SLC36A4: variants seen among roughly 807,000 people sequenced by gnomAD.
SLC36A4 encodes the protein solute carrier family 36 member 4.
Under a neutral mutation model 50.5 loss-of-function variants are expected in SLC36A4, and 49 were observed. The ratio of observed to expected loss-of-function variants is 0.97; its 90% confidence interval spans 0.77 to 1.23. The LOEUF (loss-of-function observed/expected upper bound fraction) is 1.23. SLC36A4 is among the 50% of genes most tolerant of loss of function. SLC36A4 has a pLI of 0.00. For missense variants in SLC36A4, 611 were observed against 608.4 expected (o/e 1.00, Z -0.05); for synonymous variants, 207 against 206.5 (o/e 1.00, Z -0.02).
At chr11:93,175,340 TTTTC>T (rs879849143) in intron 6 of SLC36A4, among the ~76,000 whole-genome samples, 4,189 of 151,264 alleles carry the variant, frequency 0.028, 220 homozygotes, top group Admixed American at 0.17. Flanking sequence ...TTCTCTCTTT[TTTTC>T]TTTATTAGTC....
intron 3 of SLC36A4, among the ~76,000 whole-genome samples, chr11:93,183,248 C>T (rs945839265): frequency 6.6e-6 from 1 of 152,166 alleles, no homozygotes; most frequent in African/African-American, 2.4e-5. Flanking sequence ...TTATCTAAAT[C>T]CCGAAAACGC....
Position 93,162,783 on chromosome 11 carries a change from T to C in SLC36A4, c.960A>G (p.Thr320=). ...AACACATATATCCTAAAGTAGCTAA[T>C]GTTACATACAAAGTTGTAACAATCC... ...GMGIVTTLYV[T]LATLGYMCFH... is the part of the protein sequence containing the mutation. The change falls in exon 9 of 11, where the codon ACA becomes ACG. Residue 320 remains threonine, a synonymous_variant. Coordinates refer to ENST00000326402, the MANE Select transcript of SLC36A4 (RefSeq NM_152313.4). 6.2e-7 allele frequency: 1 copy of C among 1,613,662 alleles called. No homozygotes were observed. Among genetic ancestry groups the C allele is most frequent in the Non-Finnish European group, 8.5e-7 (1 of 1,179,730 alleles).
chr11:93,194,286 A>T (rs1001901869), intron 1 of SLC36A4, among the ~76,000 whole-genome samples: 6 of 152,146 alleles, frequency 3.9e-5, no homozygotes, highest in African/African-American at 1.4e-4. Context: ...AATAAAATTT[A>T]AAAATCACTT....
intron 6 of SLC36A4, among the ~76,000 whole-genome samples, chr11:93,176,856 G>C (rs1472959182): frequency 1.3e-5 from 2 of 152,188 alleles, no homozygotes; most frequent in Non-Finnish European, 2.9e-5. Context: ...CAGGTAACCT[G>C]ACCTTTCTCT....
At chr11:93,168,539 C>A (rs1860988771) in intron 6 of SLC36A4, among the ~76,000 whole-genome samples, 1 of 151,970 alleles carries the variant, frequency 6.6e-6, no homozygotes, top group Non-Finnish European at 1.5e-5. Flanking sequence ...AAATTTGGAA[C>A]CATGCTTGTA....
intron 10 of SLC36A4, among the ~76,000 whole-genome samples, chr11:93,151,071 T>A (rs750487139): frequency 2.6e-5 from 4 of 151,966 alleles, no homozygotes; most frequent in Non-Finnish European, 5.9e-5. Context: ...CTGTTTAAAG[T>A]CAGATTTTAA....
chr11:93,156,796 G>A (rs1029961317), intron 9 of SLC36A4, among the ~76,000 whole-genome samples: 5 of 152,248 alleles, frequency 3.3e-5, no homozygotes, highest in Admixed American at 3.3e-4. Context: ...CTTCCATTCT[G>A]TAGGTTGCCT....
intron 6 of SLC36A4, among the ~76,000 whole-genome samples, chr11:93,178,511 G>A (rs1289879847): frequency 6.6e-6 from 1 of 152,068 alleles, no homozygotes; most frequent in Non-Finnish European, 1.5e-5. Flanking sequence ...TGTTCCTATT[G>A]GTCATCTTGG....
chr11:93,190,672 T>C (rs965628205), intron 1 of SLC36A4, among the ~76,000 whole-genome samples: 1 of 152,224 alleles, frequency 6.6e-6, no homozygotes, highest in Non-Finnish European at 1.5e-5. Flanking sequence ...CTATTTTGAT[T>C]CTACCATTAA....
intron 9 of SLC36A4, chr11:93,160,675 C>T (rs916362077): frequency 1.0e-6 from 1 of 985,254 alleles, no homozygotes; most frequent in African/African-American, 1.7e-5. Flanking sequence ...AATGTGTGCA[C>T]ACTCCCACTT....
At chr11:93,176,550 T>C (rs1030887226) in intron 6 of SLC36A4, among the ~76,000 whole-genome samples, 70 of 152,122 alleles carry the variant, frequency 4.6e-4, no homozygotes, top group African/African-American at 1.3e-3. Flanking sequence ...GTCTCGATGG[T>C]CTTTACATTT....
chr11:93,163,775 C>CATGTATGTATGTATGT (rs71305387), intron 8 of SLC36A4, among the ~76,000 whole-genome samples: 1,506 of 150,472 alleles, frequency 0.01, 10 homozygotes, highest in East Asian at 0.04. Flanking sequence ...CTAGGATTCT[C>CATGTATGTATGTATGT]ATGTATGTAT....
chr11:93,154,980 G>C (rs998580150), intron 9 of SLC36A4: 1 of 151,950 alleles, frequency 6.6e-6, no homozygotes, highest in African/African-American at 2.4e-5. Flanking sequence ...CTACATTATG[G>C]ATAACCTCCT....
intron 6 of SLC36A4, among the ~76,000 whole-genome samples, chr11:93,178,294 G>C (rs1349505254): frequency 2.6e-5 from 4 of 152,162 alleles, no homozygotes; most frequent in Non-Finnish European, 2.9e-5. Context: ...GGTACCATCT[G>C]TCATGGCTTC....
At position 93,148,374 on chromosome 11, in the gene SLC36A4, A is replaced by C; in HGVS notation, c.*163T>G. 1 of 628,376 alleles carries C rather than the reference A, an allele frequency of 1.6e-6. No individual in the cohort carries two copies. Among genetic ancestry groups the C allele is most frequent in the South Asian group, 2.3e-5 (1 of 42,764 alleles). 38.9% of individuals were successfully genotyped at this position (628,376 alleles called of 1,614,324 possible). A position where few individuals can be genotyped will look rare whatever the true frequency, so the allele number is the denominator to read the frequency against. ...AAAAGCAAGGATTTTTCATAGGTTT[A>C]CCACTACTGGTAAAGAGTTATGATT... On this transcript the variant is annotated 3_prime_UTR_variant, in exon 11 of 11. Coordinates refer to ENST00000326402, the MANE Select transcript of SLC36A4 (RefSeq NM_152313.4).
intron 1 of SLC36A4, among the ~76,000 whole-genome samples, chr11:93,187,616 A>G (rs1862045569): frequency 6.6e-6 from 1 of 151,946 alleles, no homozygotes; most frequent in Non-Finnish European, 1.5e-5. Context: ...TTTATTTCTT[A>G]TTTGTGATTT....
At chr11:93,191,615 T>C (rs1321409036) in intron 1 of SLC36A4, among the ~76,000 whole-genome samples, 2 of 152,174 alleles carry the variant, frequency 1.3e-5, no homozygotes, top group East Asian at 1.9e-4. Context: ...TCATACTCTC[T>C]CTGGGAACTG....
chr11:93,194,228 TAAA>T lies in SLC36A4; in HGVS notation c.55+3547_55+3549del, dbSNP rs558499770. Among the ~76,000 whole-genome samples the T allele has an allele frequency of 4.0e-5, 6 of 151,826 alleles. No homozygotes were observed. In the East Asian group the frequency reaches 1.2e-3, roughly 29 times the overall value. On this transcript the variant is annotated intron_variant, in intron 1 of 10. Transcript: ENST00000326402. ...TGGAAAATGTAAAAAAATATAAAAA[TAAA>T]AAAAATTTAAAAAAGTAGTTGTAGC...
chr11:93,173,415 T>C (rs1485937031), intron 6 of SLC36A4, among the ~76,000 whole-genome samples: 2 of 145,108 alleles, frequency 1.4e-5, no homozygotes, highest in Admixed American at 6.8e-5. Context: ...ACTCTGATGG[T>C]AGTTTCTTTT....
Sources: gnomAD v4.1 joint callset for allele counts (sites outside exome capture counted in the v4.1 genomes callset) on GRCh38, gnomAD v4.1.1 for gene constraint, MANE v1.5 for transcripts, NCBI Gene and HGNC (gene_info 2026-07-23, HGNC 2026-07-21) for gene names.